The following CA10 variants were observed in gnomAD, a reference collection of about 807,000 sequenced individuals.
CA10 encodes carbonic anhydrase-related protein 10.
Under a neutral mutation model 44.2 loss-of-function variants are expected in CA10, and 14 were observed. The ratio of observed to expected loss-of-function variants is 0.32; its 90% CI spans 0.21 to 0.50. The LOEUF is 0.50. CA10 is among the 20% of genes least tolerant of loss of function. The pLI is 0.99. For synonymous variants in CA10, 159 were observed against 141.6 expected, an observed-to-expected ratio of 1.12 and a Z score of -0.87; for missense variants, 350 against 409.7, an observed-to-expected ratio of 0.85 and a Z score of 1.26.
chr17:51,908,625 A>G (rs990074341), intron 3 of CA10, among the ~76,000 whole-genome samples: 1 of 152,194 alleles, frequency 6.6e-6, no homozygotes, highest in African/African-American at 2.4e-5. Context: ...CTCTACACCA[A>G]AATAAAATGG....
chr17:51,842,973 G>A (rs1978348294), intron 3 of CA10, among the ~76,000 whole-genome samples: 2 of 152,200 alleles, frequency 1.3e-5, no homozygotes, highest in South Asian at 2.1e-4. Context: ...TAAGTTATGT[G>A]CAAATGATAA....
At chr17:52,083,530 T>C (rs1303151836) in intron 1 of CA10, among the ~76,000 whole-genome samples, 1 of 152,206 alleles carries the variant, frequency 6.6e-6, no homozygotes, top group African/African-American at 2.4e-5. Flanking sequence ...GGGTATATTA[T>C]ACTCCTTAAG....
At chr17:52,121,650 A>G (rs151099368) in intron 1 of CA10, among the ~76,000 whole-genome samples, 14 of 136,288 alleles carry the variant, frequency 1.0e-4, no homozygotes, top group Middle Eastern at 3.6e-3. Context: ...GGGAATCTCT[A>G]TCTATCTCTA....
At chr17:51,787,696 C>T (rs1434620176) in intron 3 of CA10, among the ~76,000 whole-genome samples, 1 of 152,076 alleles carries the variant, frequency 6.6e-6, no homozygotes, top group African/African-American at 2.4e-5. Context: ...TGGGGTTTCA[C>T]CATGTTGGTC....
At chr17:51,939,127 T>G (rs929115731) in intron 2 of CA10, among the ~76,000 whole-genome samples, 1 of 152,030 alleles carries the variant, frequency 6.6e-6, no homozygotes, top group Non-Finnish European at 1.5e-5. Flanking sequence ...CATACAAATA[T>G]ATACACATGT....
chr17:52,074,228 C>T (rs1987759420), intron 1 of CA10, among the ~76,000 whole-genome samples: 1 of 152,176 alleles, frequency 6.6e-6, no homozygotes. Flanking sequence ...GACAGTACAA[C>T]CTACTAAAAA....
At chr17:52,033,887 A>G (rs973198905) in intron 2 of CA10, among the ~76,000 whole-genome samples, 1 of 152,224 alleles carries the variant, frequency 6.6e-6, no homozygotes, top group Admixed American at 6.5e-5. Flanking sequence ...TTGCCACAAC[A>G]TGAATGATCC....
At chr17:51,663,645 T>C (rs974122100) in intron 4 of CA10, among the ~76,000 whole-genome samples, 4 of 152,180 alleles carry the variant, frequency 2.6e-5, no homozygotes, top group African/African-American at 9.7e-5. Context: ...CAGGTGTACA[T>C]GGGATAAAGG....
Position 52,017,593 on chromosome 17 carries a change from C to G in CA10, c.136+54726G>C, listed in dbSNP as rs569997166. Reference sequence around the variant, plus strand: ...TGGCATGGCTGCTTCTAACAGCCTACAGTTAATTAGACGCACATGCAAAGG... The same window carrying G: ...TGGCATGGCTGCTTCTAACAGCCTAGAGTTAATTAGACGCACATGCAAAGG... On this transcript the variant is annotated intron_variant, in intron 2 of 8. Transcript: ENST00000451037. 3.9e-5 allele frequency among the ~76,000 whole-genome samples: 6 copies of G among 152,150 alleles called. No individual in the cohort carries two copies. The East Asian group carries it at 1.2e-3, about 30-fold the overall frequency.
At chr17:52,091,212 GTT>G (rs1478035589) in intron 1 of CA10, among the ~76,000 whole-genome samples, 1 of 152,126 alleles carries the variant, frequency 6.6e-6, no homozygotes, top group Non-Finnish European at 1.5e-5. Flanking sequence ...ATTTTCAAGT[GTT>G]ATGATGATGA....
intron 4 of CA10, among the ~76,000 whole-genome samples, chr17:51,663,915 C>T (rs1447808640): frequency 1.3e-5 from 2 of 152,146 alleles, no homozygotes; most frequent in Non-Finnish European, 2.9e-5. Flanking sequence ...AAGATTTTGC[C>T]AGTCTTTTCT....
chr17:52,059,432 G>A (rs190140818), intron 2 of CA10, among the ~76,000 whole-genome samples: 14 of 152,104 alleles, frequency 9.2e-5, no homozygotes, highest in African/African-American at 2.2e-4. Flanking sequence ...TCCAGAACCC[G>A]TTGCTGCATC....
Position 51,736,387 on chromosome 17 carries a change from G to A in CA10, c.465+11246C>T, listed in dbSNP as rs59126448. Among the ~76,000 whole-genome samples, 37 of 152,202 alleles carry A rather than the reference G, an allele frequency of 2.4e-4. No homozygotes were observed. The East Asian group carries it at 5.8e-3, about 24-fold the overall frequency. The stretch of plus-strand genomic sequence containing the variant: ...ACTTTACAGAAACAGCAGCTGTTCC[G>A]GGATGACCATTTGAGTCCACACACA... On this transcript the variant is annotated intron_variant, in intron 4 of 8. Transcript: ENST00000451037.
At chr17:51,687,368 T>G (rs1455464214) in intron 4 of CA10, among the ~76,000 whole-genome samples, 1 of 152,206 alleles carries the variant, frequency 6.6e-6, no homozygotes, top group Non-Finnish European at 1.5e-5. Context: ...GTTTGTTACC[T>G]ACAAGCCCTC....
At chr17:51,733,219 T>C (rs1380048252) in intron 4 of CA10, among the ~76,000 whole-genome samples, 3 of 152,184 alleles carry the variant, frequency 2.0e-5, no homozygotes, top group Admixed American at 6.5e-5. Context: ...TAACTTAATA[T>C]AGCTTTTCTA....
At chr17:51,848,027 G>A (rs1003781963) in intron 3 of CA10, among the ~76,000 whole-genome samples, 2 of 152,200 alleles carry the variant, frequency 1.3e-5, no homozygotes, top group Admixed American at 6.5e-5. Context: ...GCCAGGGCTA[G>A]GTTAAGGCAA....
chr17:51,802,928 G>T (rs1906990387), intron 3 of CA10, among the ~76,000 whole-genome samples: 1 of 152,172 alleles, frequency 6.6e-6, no homozygotes. Context: ...TAATAAAACA[G>T]TCATCTCGTT....
intron 4 of CA10, among the ~76,000 whole-genome samples, chr17:51,728,285 T>A (rs996726911): frequency 6.8e-6 from 1 of 146,810 alleles, no homozygotes; most frequent in African/African-American, 2.5e-5. Context: ...TTCCCTTAAC[T>A]TTTTTTTTTT....
intron 1 of CA10, among the ~76,000 whole-genome samples, chr17:52,094,137 C>T (rs1459173813): frequency 6.6e-6 from 1 of 151,910 alleles, no homozygotes; most frequent in African/African-American, 2.4e-5. Flanking sequence ...CACACTGGAG[C>T]CTGCGGGGTG....
Sources: gnomAD v4.1 joint callset for allele counts (sites outside exome capture counted in the v4.1 genomes callset) on GRCh38, gnomAD v4.1.1 for gene constraint, MANE v1.5 for transcripts, NCBI Gene and HGNC (gene_info 2026-07-23, HGNC 2026-07-21) for gene names.